The following SAMD12 variants were observed in gnomAD, a reference collection of about 807,000 sequenced individuals.
SAMD12 encodes the protein sterile alpha motif domain-containing protein 12.
Under a neutral mutation model 15.0 loss-of-function variants are expected in SAMD12, and 9 were observed. That is an observed-to-expected ratio of 0.60 (90% CI 0.36 to 1.05). The LOEUF (loss-of-function observed/expected upper bound fraction) is 1.05. Among genes scored for constraint, SAMD12 ranks in the 50% least tolerant of loss-of-function variants. The probability of loss-of-function intolerance (pLI) is 0.01; values close to 1 mark genes in which losing one functional copy is unlikely to be tolerated. For missense variants in SAMD12, 230 were observed against 234.2 expected, an observed-to-expected ratio of 0.98 and a Z score of 0.12; for synonymous variants, 86 against 90.1, an observed-to-expected ratio of 0.96 and a Z score of 0.25.
intron 2 of SAMD12, among the ~76,000 whole-genome samples, chr8:118,469,018 G>C (rs150739881): frequency 6.6e-6 from 1 of 152,050 alleles, no homozygotes; most frequent in South Asian, 2.1e-4. Flanking sequence ...GCCTTGGTCC[G>C]CACTATTCTT....
chr8:118,396,316 T>C (rs957333568), intron 3 of SAMD12, among the ~76,000 whole-genome samples: 1 of 152,196 alleles, frequency 6.6e-6, no homozygotes, highest in African/African-American at 2.4e-5. Flanking sequence ...AATTAGAAAG[T>C]GTCTGGTATA....
intron 4 of SAMD12, among the ~76,000 whole-genome samples, chr8:118,343,313 T>C (rs1009471428): frequency 6.6e-6 from 1 of 151,956 alleles, no homozygotes; most frequent in African/African-American, 2.4e-5. Context: ...GGCTACATGA[T>C]AGTTTTGGAG....
At chr8:118,336,738 A>G (rs1214707378) in intron 4 of SAMD12, among the ~76,000 whole-genome samples, 1 of 152,214 alleles carries the variant, frequency 6.6e-6, no homozygotes, top group Non-Finnish European at 1.5e-5. Context: ...CACTATTCAT[A>G]TTAGCAAAGA....
downstream of SAMD12, among the ~76,000 whole-genome samples, chr8:118,186,233 A>G (rs932294504): frequency 3.3e-5 from 5 of 152,190 alleles, no homozygotes; most frequent in Non-Finnish European, 7.3e-5. Flanking sequence ...CCCAACCCCA[A>G]CATCTGGGAA....
chr8:118,227,544 GT>G (rs1346406376), intron 4 of SAMD12, among the ~76,000 whole-genome samples: 3 of 152,086 alleles, frequency 2.0e-5, no homozygotes, highest in African/African-American at 7.2e-5. Flanking sequence ...GATGACATGG[GT>G]TTTCTTACTT....
At chr8:118,292,750 A>G (rs1398460078) in intron 4 of SAMD12, among the ~76,000 whole-genome samples, 1 of 152,022 alleles carries the variant, frequency 6.6e-6, no homozygotes, top group Admixed American at 6.6e-5. Context: ...TGTCCTTGGT[A>G]GGGACATGGA....
chr8:118,425,131 G>T (rs1384303320), intron 3 of SAMD12, among the ~76,000 whole-genome samples: 2 of 152,010 alleles, frequency 1.3e-5, no homozygotes, highest in African/African-American at 2.4e-5. Context: ...GTACAGACAG[G>T]GTTTCACCGT....
At chr8:118,344,472 G>A (rs1310020947) in intron 4 of SAMD12, among the ~76,000 whole-genome samples, 1 of 152,216 alleles carries the variant, frequency 6.6e-6, no homozygotes, top group Admixed American at 6.5e-5. Flanking sequence ...ACTATTCCCA[G>A]TTTAAAGATG....
At chr8:118,397,344 G>GA (rs1253944967) in intron 3 of SAMD12, among the ~76,000 whole-genome samples, 2 of 152,036 alleles carry the variant, frequency 1.3e-5, no homozygotes, top group Non-Finnish European at 2.9e-5. Context: ...AAGAGACATG[G>GA]AAAAAAATCT....
intron 4 of SAMD12, among the ~76,000 whole-genome samples, chr8:118,360,133 G>T (rs1205772405): frequency 2.0e-5 from 3 of 152,160 alleles, no homozygotes; most frequent in Non-Finnish European, 4.4e-5. Flanking sequence ...CTGATAAAGA[G>T]GGACTTCTTC....
At chr8:118,578,192 C>T (rs955795329) in intron 2 of SAMD12, among the ~76,000 whole-genome samples, 5 of 152,138 alleles carry the variant, frequency 3.3e-5, no homozygotes, top group Admixed American at 3.3e-4. Context: ...CATTTTCCCA[C>T]ATAAATACAT....
At chr8:118,335,383 T>C (rs1306387903) in intron 4 of SAMD12, among the ~76,000 whole-genome samples, 3 of 152,154 alleles carry the variant, frequency 2.0e-5, no homozygotes, top group Admixed American at 1.3e-4. Context: ...TTGAGGTTGG[T>C]TTTCCAAGAA....
At chr8:118,333,901 G>GTA (rs201653979) in intron 4 of SAMD12, among the ~76,000 whole-genome samples, 119 of 143,174 alleles carry the variant, frequency 8.3e-4, no homozygotes, top group African/African-American at 3.0e-3. Context: ...ATATGTGTGT[G>GTA]TGTGTGTGCA....
intron 2 of SAMD12, among the ~76,000 whole-genome samples, chr8:118,539,497 C>T (rs1446679282): frequency 6.6e-6 from 1 of 152,176 alleles, no homozygotes; most frequent in African/African-American, 2.4e-5. Context: ...TTTTTTATGA[C>T]ATCTATCTGA....
At chr8:118,448,055 C>T (rs571129209) in intron 2 of SAMD12, among the ~76,000 whole-genome samples, 16 of 152,274 alleles carry the variant, frequency 1.1e-4, no homozygotes, top group African/African-American at 3.9e-4. Context: ...ATTACTCTTT[C>T]CTTAATACAT....
chr8:118,409,498 G>T, intron 3 of SAMD12, among the ~76,000 whole-genome samples: 1 of 111,352 alleles, frequency 9.0e-6, no homozygotes. Context: ...GTGGGGGGTG[G>T]GAGTGCCAGA....
the SAMD12 span, among the ~76,000 whole-genome samples, chr8:118,143,213 GTA>G: frequency 0.037 from 5,581 of 152,238 alleles, 252 homozygotes; most frequent in African/African-American, 0.11. Flanking sequence ...GAGGGGCACA[GTA>G]TATCTAAGAG....
chr8:118,607,199 T>C (rs1828005628), intron 1 of SAMD12, among the ~76,000 whole-genome samples: 1 of 152,154 alleles, frequency 6.6e-6, no homozygotes, highest in Admixed American at 6.5e-5. Context: ...CAGAAAATTC[T>C]GAAGATGATA....
chr8:118,163,600 G>A, the SAMD12 span, among the ~76,000 whole-genome samples: 2 of 149,308 alleles, frequency 1.3e-5, no homozygotes, highest in African/African-American at 4.9e-5. Flanking sequence ...CTTCAGCCGG[G>A]TGCGGTGGCT....
Sources: gnomAD v4.1 joint callset for allele counts (sites outside exome capture counted in the v4.1 genomes callset) on GRCh38, gnomAD v4.1.1 for gene constraint, MANE v1.5 for transcripts, NCBI Gene and HGNC (gene_info 2026-07-23, HGNC 2026-07-21) for gene names.